Variants in FAM117A observed in about 807,000 individuals in gnomAD.
FAM117A encodes the protein protein FAM117A.
A neutral mutation model predicts 44.1 loss-of-function variants in FAM117A; 21 were observed. That is an observed-to-expected ratio of 0.48 (90% confidence interval 0.34 to 0.69). The LOEUF (loss-of-function observed/expected upper bound fraction) is 0.69, where lower values mean the gene tolerates loss of function less well. Ranked by LOEUF, FAM117A falls within the 30% of genes least tolerant of loss-of-function variation. FAM117A has a pLI of 0.01. For missense variants in FAM117A, 498 were observed against 589.9 expected (o/e 0.84, Z 1.61); for synonymous variants, 220 against 238.3 (o/e 0.92, Z 0.71).
intron 1 of FAM117A, among the ~76,000 whole-genome samples, chr17:49,787,181 C>T (rs1457254546): frequency 6.6e-6 from 1 of 152,122 alleles, no homozygotes; most frequent in East Asian, 1.9e-4. Context: ...AGTTGGGGAG[C>T]CAGAACATTC....
chr17:49,724,604 G>T (rs1346182887), intron 2 of FAM117A: 7 of 409,082 alleles, frequency 1.7e-5, no homozygotes, highest in Non-Finnish European at 2.5e-5. Flanking sequence ...AGACTGAGGC[G>T]GGTGGATCAC....
upstream of FAM117A, chr17:49,789,006 T>C (rs987415815): frequency 1.0e-5 from 6 of 591,522 alleles, no homozygotes; most frequent in Non-Finnish European, 1.6e-5. Context: ...AACAGAAAAA[T>C]GTGGGCCCGA....
intron 2 of FAM117A, among the ~76,000 whole-genome samples, chr17:49,730,731 T>C (rs1449013008): frequency 6.6e-6 from 1 of 152,200 alleles, no homozygotes; most frequent in East Asian, 1.9e-4. Flanking sequence ...CTACTTGCCT[T>C]TTCCAAAGGA....
At chr17:49,731,652 T>G (rs951091625) in intron 2 of FAM117A, among the ~76,000 whole-genome samples, 5 of 152,252 alleles carry the variant, frequency 3.3e-5, no homozygotes, top group African/African-American at 1.2e-4. Context: ...CTCCATTATC[T>G]GAGAACTTCC....
At chr17:49,776,120 C>A (rs2073774996) in intron 1 of FAM117A, among the ~76,000 whole-genome samples, 1 of 152,144 alleles carries the variant, frequency 6.6e-6, no homozygotes, top group Admixed American at 6.5e-5. Flanking sequence ...GCCATGTGCC[C>A]CTGCTTCACA....
At chr17:49,758,879 AT>A (rs1211675031) in intron 1 of FAM117A, among the ~76,000 whole-genome samples, 3 of 152,238 alleles carry the variant, frequency 2.0e-5, no homozygotes, top group Non-Finnish European at 4.4e-5. Context: ...CTGGAGGAAG[AT>A]GCTCTAACAG....
In FAM117A at chr17:49,717,539, T is replaced by C. The variant is rs766556339; in HGVS notation, c.884A>G (p.Glu295Gly). The C allele has an allele frequency of 6.2e-7, 1 of 1,613,918 alleles. No individual in the cohort carries two copies. The highest frequency in any genetic ancestry group is 8.5e-7 in the Non-Finnish European group (1 of 1,179,998). ...TTTGTCGTTGGGGGTGGATGCCAGC[T>C]CCTCGGCGGCACCCCGATGTTCCTC... ...SHEEHRGAAE[E>G]LASTPNDKAS... The change falls in exon 6 of 8, where the codon GAG becomes GGG. Residue 295 changes from glutamate to glycine, a missense_variant. Physicochemically the swap from Glu to Gly is moderately conservative, Grantham distance 98. Coordinates refer to ENST00000240364, the MANE Select transcript of FAM117A (RefSeq NM_030802.4).
At chr17:49,773,959 G>A (rs1468025450) in intron 1 of FAM117A, among the ~76,000 whole-genome samples, 1 of 152,124 alleles carries the variant, frequency 6.6e-6, no homozygotes, top group Non-Finnish European at 1.5e-5. Context: ...TTTCCATGTT[G>A]GTCAGGTTGG....
At chr17:49,753,293 C>T (rs1414597115) in intron 1 of FAM117A, among the ~76,000 whole-genome samples, 1 of 152,230 alleles carries the variant, frequency 6.6e-6, no homozygotes, top group Non-Finnish European at 1.5e-5. Context: ...ACAAAATTCA[C>T]AACGGACTTT....
rs147088892 is a variant in FAM117A at position 49,757,813 on chromosome 17, G to A, written c.196+6079C>T. 4.5e-3 allele frequency among the ~76,000 whole-genome samples: 692 copies of A among 152,240 alleles called. 7 individuals carry two copies. Among genetic ancestry groups the A allele is most frequent in the African/African-American group, 0.016 (651 of 41,536 alleles). ...CCCTCTGTGAAGATTGAACCTAGAC[G>A]AAGGGGGGAAACTGACCAGATTTCC... On this transcript the variant is annotated intron_variant, in intron 1 of 7. Coordinates refer to ENST00000240364, the MANE Select transcript of FAM117A (RefSeq NM_030802.4).
At position 49,762,164 on chromosome 17, in the gene FAM117A, T is replaced by C. The variant is rs117014661; in HGVS notation, c.196+1728A>G. Among the ~76,000 whole-genome samples, 222 of 152,364 alleles carry C rather than the reference T, an allele frequency of 1.5e-3. 4 individuals are homozygous for C. In the East Asian group the frequency reaches 0.037, roughly 26 times the overall value. ...TGTCCTTTTAATATTAGTTCTATAA[T>C]AGACACAAAATAACTGATCTTAAAA... On this transcript the variant is annotated intron_variant, in intron 1 of 7. Transcript: ENST00000240364.
chr17:49,762,235 T>C (rs945533527), intron 1 of FAM117A, among the ~76,000 whole-genome samples: 9 of 152,206 alleles, frequency 5.9e-5, no homozygotes, highest in Admixed American at 1.3e-4. Context: ...GGCTTTCTGT[T>C]GTTTTCCACT....
intron 2 of FAM117A, among the ~76,000 whole-genome samples, chr17:49,727,053 C>A (rs189527646): frequency 3.0e-4 from 45 of 152,090 alleles, no homozygotes; most frequent in African/African-American, 8.7e-4. Flanking sequence ...GCTGCTCAGT[C>A]ATTCTAGATG....
intron 1 of FAM117A, among the ~76,000 whole-genome samples, chr17:49,776,466 C>T (rs561750057): frequency 6.6e-6 from 1 of 152,278 alleles, no homozygotes; most frequent in Non-Finnish European, 1.5e-5. Context: ...CCTAAAGACT[C>T]TAGAGCTCTG....
intron 1 of FAM117A, among the ~76,000 whole-genome samples, chr17:49,786,738 T>C (rs1431033546): frequency 2.0e-5 from 3 of 148,428 alleles, no homozygotes; most frequent in African/African-American, 2.5e-5. Flanking sequence ...GCTCGTGCCA[T>C]TGCCCTCCAG....
chr17:49,765,639 C>G (rs1196189844), upstream of FAM117A: 2 of 152,194 alleles, frequency 1.3e-5, no homozygotes, highest in Non-Finnish European at 2.9e-5. Flanking sequence ...ACTTCAAGAT[C>G]TGACATTTGA....
In FAM117A at chr17:49,749,312, T is replaced by A. The variant is rs187938622; in HGVS notation, c.196+14580A>T. Among the ~76,000 whole-genome samples the A allele has an allele frequency of 4.1e-4, 62 of 152,158 alleles. No homozygotes were observed. In the East Asian group the frequency reaches 6.9e-3, roughly 17 times the overall value. On this transcript the variant is annotated intron_variant, in intron 1 of 7. Transcript: ENST00000240364. ...AGAAATGAAGGCCAGGCGCAGTGGC[T>A]CACACCTGTAATCCCAGCACTTTGG... is the stretch of plus-strand genomic sequence containing the variant.
rs1014171835 is a variant in FAM117A at position 49,763,985 on chromosome 17, C to T, written c.103G>A (p.Gly35Ser). ...GGCTGCAGCCCAGCCCGGGGGGAGC[C>T]GGCGGGGGCTGGGGGAGAGCAGCCC... ...RRGCSPPAPA[G>S]SPRAGLQPLR... The change falls in exon 1 of 8, where the codon GGC (glycine) becomes AGC (serine). Residue 35 changes from glycine to serine, a missense_variant. Physicochemically the swap from Gly to Ser is moderately conservative, Grantham distance 56 (BLOSUM62 0). Coordinates refer to ENST00000240364, the MANE Select transcript of FAM117A (RefSeq NM_030802.4). 17 of 1,222,272 alleles carry T rather than the reference C, an allele frequency of 1.4e-5. No individual in the cohort carries two copies. The highest frequency in any genetic ancestry group is 3.1e-5 in the African/African-American group (2 of 63,616). The allele number at this position is 1,222,272 out of a possible 1,614,324, so 75.7% of individuals were successfully genotyped here. A position where few individuals can be genotyped will look rare whatever the true frequency, so the allele number is the denominator to read the frequency against.
chr17:49,714,388 A>G (rs958344367), intron 7 of FAM117A, among the ~76,000 whole-genome samples: 3 of 150,838 alleles, frequency 2.0e-5, no homozygotes, highest in Non-Finnish European at 4.4e-5. Flanking sequence ...TGACTACTGA[A>G]GTGTAGTGGT....
Sources: allele counts gnomAD v4.1 joint callset (sites outside exome capture counted in the v4.1 genomes callset), GRCh38; gene constraint gnomAD v4.1.1; transcripts MANE v1.5; gene names NCBI Gene and HGNC (gene_info 2026-07-23, HGNC 2026-07-21).